GAD1: variants seen among roughly 807,000 people sequenced by gnomAD.
GAD1 encodes the protein glutamate decarboxylase 1, also known as 67 kDa glutamic acid decarboxylase.
In GAD1, 35 loss-of-function variants were observed where a neutral mutation model predicts 75.2. The observed-to-expected ratio is 0.47, with a 90% CI of 0.36 to 0.62. GAD1 has a LOEUF of 0.62. Ranked by LOEUF, GAD1 falls within the 20% of genes least tolerant of loss-of-function variation. The pLI is 0.00. For missense variants in GAD1, 490 were observed against 758.5 expected (o/e 0.65, Z 4.16); for synonymous variants, 257 against 271.9 (o/e 0.95, Z 0.54).
upstream of GAD1, among the ~76,000 whole-genome samples, chr2:170,815,873 G>C (rs568206900): frequency 1.3e-5 from 2 of 152,218 alleles, no homozygotes; most frequent in Admixed American, 6.5e-5. Context: ...ACCCGGGAGC[G>C]CAGGGCCTCT....
chr2:170,855,640 C>T (rs1165966877), intron 14 of GAD1, among the ~76,000 whole-genome samples: 1 of 151,704 alleles, frequency 6.6e-6, no homozygotes, highest in Non-Finnish European at 1.5e-5. Flanking sequence ...TTTAGGAGGC[C>T]AAGGCAGGCG....
intron 3 of GAD1, among the ~76,000 whole-genome samples, chr2:170,822,441 C>T (rs750080187): frequency 5.3e-4 from 81 of 152,358 alleles, no homozygotes; most frequent in Non-Finnish European, 3.4e-4. Context: ...GAAAGCGCCC[C>T]CGCGCGGCAA....
At chr2:170,849,226 T>G in intron 11 of GAD1, 60 bp from the exon 12 acceptor site, 3 of 1,400,096 alleles carry the variant, frequency 2.1e-6, no homozygotes, top group Non-Finnish European at 3.0e-6. Flanking sequence ...GAGGACTGAC[T>G]AGTTTTAGAT....
At chr2:170,815,161 G>T (rs45552542), upstream of GAD1, among the ~76,000 whole-genome samples, 2,277 of 152,198 alleles carry the variant, frequency 0.015, 26 homozygotes, top group African/African-American at 0.026. Flanking sequence ...GTTGTATGCC[G>T]CCCACTTCAA....
chr2:170,814,875 G>A (rs1453831762), upstream of GAD1, among the ~76,000 whole-genome samples: 3 of 152,152 alleles, frequency 2.0e-5, no homozygotes, highest in African/African-American at 7.2e-5. Flanking sequence ...AGGAGGAAGT[G>A]GTTGGAAATG....
At chr2:170,823,395 G>A (rs1445374051) in intron 3 of GAD1, among the ~76,000 whole-genome samples, 2 of 152,194 alleles carry the variant, frequency 1.3e-5, no homozygotes, top group Non-Finnish European at 2.9e-5. Flanking sequence ...CTGCTTGGCC[G>A]CGCCGCGCCC....
intron 6 of GAD1, among the ~76,000 whole-genome samples, chr2:170,842,207 C>T (rs1188204251): frequency 6.6e-6 from 1 of 152,148 alleles, no homozygotes; most frequent in Non-Finnish European, 1.5e-5. Flanking sequence ...GCCTGATATT[C>T]AGTCCCATTC....
rs1702617220 is a variant in GAD1 at position 170,845,725 on chromosome 2, A to G, written c.887A>G (p.Lys296Arg). The G allele has an allele frequency of 6.2e-7, 1 of 1,614,054 alleles. No individual in the cohort carries two copies. Among genetic ancestry groups the G allele is most frequent in the African/African-American group, 1.3e-5 (1 of 74,924 alleles). ...TSEQSHYSIK[K>R]AGAALGFGTD... ...TTGCAGAGTCACTATTCCATAAAGA[A>G]AGCTGGGGCTGCACTTGGCTTTGGA... The change falls in exon 9 of 17, where the codon AAA (lysine) becomes AGA (arginine). Residue 296 changes from lysine (K) to arginine (R), a missense_variant. By Grantham distance (26) the Lys-to-Arg change is conservative. Transcript: ENST00000358196.
At chr2:170,839,122 G>A (rs1239892308) in intron 6 of GAD1, among the ~76,000 whole-genome samples, 1 of 152,196 alleles carries the variant, frequency 6.6e-6, no homozygotes, top group Admixed American at 6.5e-5. Context: ...GTCTGGGAAA[G>A]AATGGCAAAA....
rs762878619 is a variant in GAD1, at chr2:170,859,749, C to T, written c.1652C>T (p.Thr551Met). 1.1e-5 allele frequency: 18 copies of T among 1,614,036 alleles called. No homozygotes were observed. Among genetic ancestry groups the T allele is most frequent in the Admixed American group, 6.7e-5 (4 of 59,992 alleles). The change falls in exon 17 of 17, where the codon ACG (threonine) becomes ATG (methionine). Residue 551 changes from threonine to methionine, a missense_variant. Thr to Met is a moderately conservative substitution (Grantham distance 81). Transcript: ENST00000358196. ...KIKALMMESGTTMVGYQPQGD... is the reference protein window; with the variant it reads ...KIKALMMESGMTMVGYQPQGD... ...AAAGCCCTGATGATGGAGTCAGGTA[C>T]GACCATGGTTGGCTACCAGCCCCAA...
At chr2:170,856,186 G>A (rs1347986702) in intron 14 of GAD1, among the ~76,000 whole-genome samples, 1 of 152,182 alleles carries the variant, frequency 6.6e-6, no homozygotes, top group Non-Finnish European at 1.5e-5. Flanking sequence ...AGCCAGCCTT[G>A]TGCATCTGCT....
At chr2:170,847,893 T>G (rs1702668481) in intron 11 of GAD1, 101 bp downstream of exon 11, 4 of 800,060 alleles carry the variant, frequency 5.0e-6, no homozygotes, top group Non-Finnish European at 9.0e-6. Flanking sequence ...CAGCCCTCTC[T>G]CCACACCACA....
intron 9 of GAD1, 94 bp downstream of exon 9, chr2:170,845,879 A>T (rs1702620434): frequency 4.1e-6 from 6 of 1,464,276 alleles, no homozygotes; most frequent in Non-Finnish European, 5.7e-6. Context: ...GGCTCAGTAC[A>T]TTGTGCCAAG....
At chr2:170,824,378 TACACACACACACACACAC>T (rs10529529) in intron 3 of GAD1, among the ~76,000 whole-genome samples, 55,772 of 146,362 alleles carry the variant, frequency 0.38, 11,326 homozygotes, top group East Asian at 0.49. Context: ...CCTGCCTGCC[TACACACACACACACACAC>T]ACACACACAC....
rs111458695 is a variant in GAD1, at chr2:170,842,309, C to T, written c.639-1736C>T. Among the ~76,000 whole-genome samples the T allele has an allele frequency of 9.1e-3, 1,386 of 152,272 alleles. 29 individuals are homozygous for T. The highest frequency in any genetic ancestry group is 0.032 in the African/African-American group (1,330 of 41,534). ...AGTCTTTGATATGGTTCTGATATTACGGTATGTGATTTCATTTGTTCCTTG... is the reference window on the plus strand; with the variant it reads ...AGTCTTTGATATGGTTCTGATATTATGGTATGTGATTTCATTTGTTCCTTG... On this transcript the variant is annotated intron_variant, in intron 6 of 16. Transcript: ENST00000358196.
chr2:170,852,256 A>T (rs1702757685), intron 12 of GAD1, among the ~76,000 whole-genome samples: 2 of 152,206 alleles, frequency 1.3e-5, no homozygotes, highest in Non-Finnish European at 2.9e-5. Context: ...AGGCACTCTT[A>T]TAAGCATTTT....
rs753438555 is a variant in GAD1 at position 170,859,969 on chromosome 2, G to A, written c.*87G>A. The A allele has an allele frequency of 2.5e-6, 3 of 1,214,380 alleles. No homozygotes were observed. The highest frequency in any genetic ancestry group is 3.6e-6 in the Non-Finnish European group (3 of 833,066). 75.2% of individuals were successfully genotyped at this position (1,214,380 alleles called of 1,614,324 possible). On this transcript the variant is annotated 3_prime_UTR_variant, in exon 17 of 17. Coordinates refer to ENST00000358196, the MANE Select transcript of GAD1 (RefSeq NM_000817.3). ...CCTCTATATGTTGCTGAAACACACA[G>A]GCCATTTCATTGAGGGAAAACATAA...
intron 12 of GAD1, among the ~76,000 whole-genome samples, chr2:170,852,120 C>T (rs1253587425): frequency 2.0e-5 from 3 of 152,152 alleles, no homozygotes; most frequent in African/African-American, 7.2e-5. Flanking sequence ...AATCCAGGCT[C>T]CAACACTTCC....
intron 14 of GAD1, among the ~76,000 whole-genome samples, chr2:170,855,209 C>CT (rs536241751): frequency 0.026 from 3,298 of 129,248 alleles, 58 homozygotes; most frequent in Non-Finnish European, 0.031. Flanking sequence ...GTCATTTTGT[C>CT]TTTTTTTTTT....
Sources: gnomAD v4.1 joint callset for allele counts (sites outside exome capture counted in the v4.1 genomes callset) on GRCh38, gnomAD v4.1.1 for gene constraint, MANE v1.5 for transcripts, NCBI Gene and HGNC (gene_info 2026-07-23, HGNC 2026-07-21) for gene names.